CPLANE1: variants seen among roughly 807,000 people sequenced by gnomAD.
The protein encoded by CPLANE1 is ciliogenesis and planar polarity effector complex subunit 1.
CPLANE1 carries 263 observed loss-of-function variants against 362.5 expected under a neutral mutation model. The ratio of observed to expected loss-of-function variants is 0.73; its 90% CI spans 0.66 to 0.80. The LOEUF (loss-of-function observed/expected upper bound fraction) is 0.80. Among genes scored for constraint, CPLANE1 ranks in the 30% least tolerant of loss-of-function variants. The pLI is 0.00. For missense variants in CPLANE1, 3,461 were observed against 3,793.4 expected, an observed-to-expected ratio of 0.91 and a Z score of 2.30; for synonymous variants, 1,212 against 1,302.6, an observed-to-expected ratio of 0.93 and a Z score of 1.50.
chr5:37,093,517 C>T, the CPLANE1 span, among the ~76,000 whole-genome samples: 4 of 152,126 alleles, frequency 2.6e-5, no homozygotes, highest in African/African-American at 9.7e-5. Flanking sequence ...ATCTACACAC[C>T]CAACAAACAG....
chr5:37,089,703 A>G, the CPLANE1 span, among the ~76,000 whole-genome samples: 1 of 152,154 alleles, frequency 6.6e-6, no homozygotes, highest in East Asian at 1.9e-4. Context: ...TATAATCATT[A>G]TTGACTTAAA....
In CPLANE1 at chr5:37,107,092, T is replaced by G. The variant is rs1757758494; in HGVS notation, c.*510A>C. 3 of 985,284 alleles carry G rather than the reference T, an allele frequency of 3.0e-6. No homozygotes were observed. Among genetic ancestry groups the G allele is most frequent in the Non-Finnish European group, 3.6e-6 (3 of 829,946 alleles). The allele number at this position is 985,284 out of a possible 1,614,324, so 61.0% of individuals were successfully genotyped here. ...ACTTTGCTTATTTAGAGATTCAGGG[T>G]TGGTAAAAGGTAGTTGGTTTTTCTT... On this transcript the variant is annotated 3_prime_UTR_variant, in exon 53 of 53. Transcript: ENST00000651892.
chr5:37,161,770 G>A (rs747133570), intron 38 of CPLANE1, among the ~76,000 whole-genome samples: 11 of 152,060 alleles, frequency 7.2e-5, no homozygotes, highest in Non-Finnish European at 1.2e-4. Context: ...ATATCAAACC[G>A]TTATTGCTAA....
intron 19 of CPLANE1, among the ~76,000 whole-genome samples, chr5:37,200,909 T>C (rs1788985914): frequency 1.3e-5 from 2 of 152,160 alleles, no homozygotes; most frequent in South Asian, 2.1e-4. Flanking sequence ...CTACAACCTC[T>C]ACCTCCCGGG....
chr5:37,156,438 T>C (rs762672360), intron 41 of CPLANE1, among the ~76,000 whole-genome samples: 10 of 152,076 alleles, frequency 6.6e-5, no homozygotes, highest in South Asian at 2.1e-4. Context: ...ACCCTGTCTC[T>C]ATGAAAAATT....
At chr5:37,211,843 C>T in intron 16 of CPLANE1, 1 of 796,550 alleles carries the variant, frequency 1.3e-6, no homozygotes, top group South Asian at 1.3e-5. Context: ...GAATTTGAAT[C>T]ATCTTTTGAA....
intron 46 of CPLANE1, among the ~76,000 whole-genome samples, chr5:37,135,853 C>G (rs967422182): frequency 1.5e-4 from 23 of 151,908 alleles, no homozygotes; most frequent in Middle Eastern, 3.4e-3. Flanking sequence ...AACAAAAAAC[C>G]CAACAGATCT....
chr5:37,151,396 T>C (rs1773521133), intron 42 of CPLANE1, among the ~76,000 whole-genome samples: 1 of 152,240 alleles, frequency 6.6e-6, no homozygotes, highest in South Asian at 2.1e-4. Context: ...AGACCCAGTA[T>C]GTATGTATTC....
intron 20 of CPLANE1, among the ~76,000 whole-genome samples, chr5:37,197,529 C>T (rs1008653361): frequency 2.0e-5 from 3 of 152,114 alleles, no homozygotes; most frequent in East Asian, 3.9e-4. Context: ...AATGTAGCCC[C>T]GCTGCCACCT....
At position 37,180,981 on chromosome 5, in the gene CPLANE1, AC is replaced by A; in HGVS notation, c.5445del (p.Cys1816ValfsTer21). On this transcript the variant is annotated frameshift_variant, in exon 27 of 53. Transcript: ENST00000651892. LOFTEE classifies it high-confidence loss of function. ...CTCTCAATATTGGGTCCAATCTGACACCCAGTGTCACGATTCTCTACCATCT... is the reference window on the plus strand; with the variant it reads ...CTCTCAATATTGGGTCCAATCTGACACCAGTGTCACGATTCTCTACCATCT... ...IIKMVENRDT[G>X]CQIGPNIERE... The A allele has an allele frequency of 6.2e-7, 1 of 1,613,992 alleles. No homozygotes were observed. Among genetic ancestry groups the A allele is most frequent in the Non-Finnish European group, 8.5e-7 (1 of 1,179,998 alleles).
chr5:37,139,405 GTTT>G, intron 44 of CPLANE1, 35 bp from the exon 45 acceptor site: 1 of 1,091,194 alleles, frequency 9.2e-7, no homozygotes, highest in Non-Finnish European at 1.2e-6. Context: ...AAAATTTTGG[GTTT>G]TTTTTTGCTT....
In CPLANE1 at chr5:37,125,344, C is replaced by T. The variant is rs1482303814; in HGVS notation, c.8858G>A (p.Trp2953Ter). Residue 2953 changes from tryptophan (W) to a stop codon, truncating the protein, a stop_gained, in exon 47 of 53, where the codon TGG becomes TAG. Coordinates refer to ENST00000651892, the MANE Select transcript of CPLANE1 (RefSeq NM_001384732.1). LOFTEE classifies it high-confidence loss of function. ...TCTTTCTTTTCGTTTTCTTTTCATC[C>T]AGGCTTGAATCTCTCTTCTTTCCTT... Reference protein sequence around the residue: ...TDKERREIQAWMKRKRKERMA... With the variant: ...TDKERREIQA 2.5e-6 allele frequency: 4 copies of T among 1,613,792 alleles called. No homozygotes were observed. The highest frequency in any genetic ancestry group is 3.4e-6 in the Non-Finnish European group (4 of 1,179,936).
At chr5:37,161,971 G>GCACT (rs769705404) in intron 38 of CPLANE1, among the ~76,000 whole-genome samples, 10 of 152,190 alleles carry the variant, frequency 6.6e-5, no homozygotes, top group Non-Finnish European at 1.3e-4. Context: ...AATGGGTAGA[G>GCACT]CACTATTCAA....
intron 46 of CPLANE1, among the ~76,000 whole-genome samples, chr5:37,134,612 G>T (rs528849912): frequency 2.6e-4 from 39 of 151,968 alleles, no homozygotes; most frequent in Admixed American, 5.9e-4. Context: ...TTGATTCTTT[G>T]TATGGATTTT....
intron 28 of CPLANE1, 83 bp downstream of exon 28, chr5:37,179,934 A>G: frequency 1.1e-6 from 1 of 873,266 alleles, no homozygotes; most frequent in South Asian, 1.9e-5. Context: ...TAGGTATAAG[A>G]CTAAATAAGT....
chr5:37,159,063 C>G (rs1776062338), intron 38 of CPLANE1, among the ~76,000 whole-genome samples: 1 of 142,794 alleles, frequency 7.0e-6, no homozygotes, highest in South Asian at 2.2e-4. Flanking sequence ...GGATTACAGG[C>G]ATGAGCCACT....
Position 37,212,136 on chromosome 5 carries a change from G to A in CPLANE1, c.2920+1423C>T, listed in dbSNP as rs61732654. 1.8e-3 allele frequency: 1,860 copies of A among 1,017,550 alleles called. 27 individuals carry two copies. In the African/African-American group the frequency reaches 0.025, roughly 14 times the overall value. 63.0% of individuals were successfully genotyped at this position (1,017,550 alleles called of 1,614,324 possible). ...GTATCAGGAAAGGAGGATGACTGAA[G>A]AATCACTGAAGATTGAAATGGAAAA... On this transcript the variant is annotated intron_variant, in intron 16 of 52. Coordinates refer to ENST00000651892, the MANE Select transcript of CPLANE1 (RefSeq NM_001384732.1).
chr5:37,213,757 G>A (rs1793269847), intron 15 of CPLANE1, 25 bp from the exon 16 acceptor site: 1 of 1,395,064 alleles, frequency 7.2e-7, no homozygotes, highest in Non-Finnish European at 9.4e-7. Flanking sequence ...AATGACCTAA[G>A]AAGATTGTGA....
chr5:37,246,951 G>C (rs1739892596), intron 2 of CPLANE1, among the ~76,000 whole-genome samples: 1 of 152,062 alleles, frequency 6.6e-6, no homozygotes, highest in Non-Finnish European at 1.5e-5. Context: ...CCCTACAGCA[G>C]ACCTAATTAA....
Sources: allele counts gnomAD v4.1 joint callset (sites outside exome capture counted in the v4.1 genomes callset), GRCh38; gene constraint gnomAD v4.1.1; transcripts MANE v1.5; gene names NCBI Gene and HGNC (gene_info 2026-07-23, HGNC 2026-07-21).